The following HTR2C variants were observed in gnomAD, a reference collection of about 807,000 sequenced individuals.
HTR2C encodes 5-hydroxytryptamine (serotonin) receptor 2C, G protein-coupled.
In HTR2C, 5 loss-of-function variants were observed where a neutral mutation model predicts 21.0. The observed-to-expected ratio is 0.24, with a 90% CI of 0.12 to 0.50. The LOEUF is 0.50. Ranked by LOEUF, HTR2C falls within the 20% of genes least tolerant of loss-of-function variation. The probability of loss-of-function intolerance (pLI) is 0.98; values close to 1 mark genes in which losing one functional copy is unlikely to be tolerated. For missense variants in HTR2C, 271 were observed against 371.2 expected, an observed-to-expected ratio of 0.73 and a Z score of 2.22; for synonymous variants, 150 against 145.3, an observed-to-expected ratio of 1.03 and a Z score of -0.23.
At chrX:114,772,631 A>T (rs2070017387) in intron 4 of HTR2C, among the ~76,000 whole-genome samples, 2 of 111,292 alleles carry the variant, frequency 1.8e-5, no homozygotes, top group African/African-American at 3.3e-5. Flanking sequence ...CTTAAGAAAC[A>T]GCCCTATTCA....
intron 1 of HTR2C, among the ~76,000 whole-genome samples, chrX:114,610,837 T>C (rs1248720746): frequency 9.0e-6 from 1 of 111,443 alleles, no homozygotes; most frequent in Admixed American, 9.6e-5. Context: ...GGAGAGTGTA[T>C]GATAGATGCA....
intron 4 of HTR2C, among the ~76,000 whole-genome samples, chrX:114,814,841 ATATAT>A (rs1556453874): frequency 9.9e-6 from 1 of 101,504 alleles, no homozygotes; most frequent in Non-Finnish European, 2.0e-5. Flanking sequence ...ACTATAGAAT[ATATAT>A]TATAATACTC....
chrX:114,848,254 T>A (rs782199340), intron 5 of HTR2C, 51 bp downstream of exon 5: 119 of 933,571 alleles, frequency 1.3e-4, no homozygotes, highest in Non-Finnish European at 1.8e-4. Flanking sequence ...GCTCAATACT[T>A]TCGGATTATG....
At chrX:114,761,882 T>TATGTGTATATATAC (rs2069872140) in intron 4 of HTR2C, among the ~76,000 whole-genome samples, 5 of 108,862 alleles carry the variant, frequency 4.6e-5, no homozygotes, top group Admixed American at 9.7e-5. Flanking sequence ...TCTATATATA[T>TATGTGTATATATAC]ATATATGTGT....
chrX:114,765,884 C>T (rs1204332790), intron 4 of HTR2C, among the ~76,000 whole-genome samples: 1 of 111,313 alleles, frequency 9.0e-6, no homozygotes, highest in Non-Finnish European at 1.9e-5. Flanking sequence ...TTTGAAGGCC[C>T]AGATTGCAAT....
rs782759435 is a variant in HTR2C, at chrX:114,644,145, C to A, written c.-80+30264C>A. On this transcript the variant is annotated intron_variant, in intron 2 of 5. Transcript: ENST00000276198. Reference sequence around the variant, plus strand: ...GTCACTTGAGGTCAGGAGTTCGAGACCAGCCTGGCCAACATGGTGAAACCC... The same window carrying A: ...GTCACTTGAGGTCAGGAGTTCGAGAACAGCCTGGCCAACATGGTGAAACCC... 1.5e-3 allele frequency among the ~76,000 whole-genome samples: 164 copies of A among 106,558 alleles called. 1 individual carries two copies. The highest frequency in any genetic ancestry group is 2.1e-3 in the Non-Finnish European group (111 of 51,965). The allele number at this position is 106,558 out of a possible 115,157, so 92.5% of individuals were successfully genotyped here.
intron 2 of HTR2C, among the ~76,000 whole-genome samples, chrX:114,726,609 A>T (rs180893968): frequency 1.5e-4 from 17 of 112,516 alleles, no homozygotes; most frequent in African/African-American, 5.2e-4. Context: ...AAGAGGGGGA[A>T]ATTTGGTATA....
chrX:114,679,330 G>T (rs1931671368), intron 2 of HTR2C, among the ~76,000 whole-genome samples: 1 of 110,529 alleles, frequency 9.0e-6, no homozygotes, highest in South Asian at 3.9e-4. Context: ...CCAGTCCTGA[G>T]TTCAGTGGTG....
chrX:114,878,814 G>T (rs182755694), intron 5 of HTR2C, among the ~76,000 whole-genome samples: 12 of 109,890 alleles, frequency 1.1e-4, no homozygotes, highest in African/African-American at 3.6e-4. Flanking sequence ...ATTAATTTCC[G>T]ACATAATTCC....
chrX:114,803,888 C>T (rs905425453), intron 4 of HTR2C, among the ~76,000 whole-genome samples: 2 of 111,933 alleles, frequency 1.8e-5, no homozygotes, highest in East Asian at 2.8e-4. Context: ...TTTCACTCTT[C>T]CTTTAAGAAA....
chrX:114,766,530 G>A (rs2069949416), intron 4 of HTR2C, among the ~76,000 whole-genome samples: 1 of 111,312 alleles, frequency 9.0e-6, no homozygotes, highest in Admixed American at 9.6e-5. Flanking sequence ...AACATTATGC[G>A]ATGAATAAGA....
At chrX:114,670,243 A>G (rs191052951) in intron 2 of HTR2C, among the ~76,000 whole-genome samples, 3 of 110,640 alleles carry the variant, frequency 2.7e-5, no homozygotes, top group African/African-American at 9.9e-5. Flanking sequence ...AAATACAAAA[A>G]AATTAGCTGG....
At chrX:114,724,045 A>G (rs1349649792) in intron 2 of HTR2C, among the ~76,000 whole-genome samples, 78 of 104,280 alleles carry the variant, frequency 7.5e-4, no homozygotes, top group African/African-American at 2.5e-3. Flanking sequence ...CTTGGTGCAG[A>G]GCTGAGTTCA....
intron 5 of HTR2C, among the ~76,000 whole-genome samples, chrX:114,888,782 G>A (rs782428214): frequency 8.1e-4 from 91 of 111,684 alleles, no homozygotes; most frequent in African/African-American, 2.7e-3. Context: ...ACTAGTTTTC[G>A]TGGAAAGTAA....
chrX:114,742,338 A>G (rs782646460), intron 4 of HTR2C, among the ~76,000 whole-genome samples: 1 of 111,554 alleles, frequency 9.0e-6, no homozygotes, highest in African/African-American at 3.3e-5. Context: ...TAGAAAATTT[A>G]ATGTATTTAA....
intron 4 of HTR2C, among the ~76,000 whole-genome samples, chrX:114,744,810 C>T (rs1439736617): frequency 1.8e-5 from 2 of 111,633 alleles, no homozygotes; most frequent in African/African-American, 6.5e-5. Flanking sequence ...GGAAGACAAT[C>T]AATTTAAAAA....
chrX:114,679,480 T>C (rs1931679178), intron 2 of HTR2C, among the ~76,000 whole-genome samples: 1 of 110,195 alleles, frequency 9.1e-6, no homozygotes, highest in South Asian at 3.9e-4. Flanking sequence ...GGTTTCACCA[T>C]GTTGGCCAGG....
intron 5 of HTR2C, among the ~76,000 whole-genome samples, chrX:114,902,009 G>A (rs999732400): frequency 1.3e-4 from 15 of 111,165 alleles, no homozygotes; most frequent in Non-Finnish European, 2.6e-4. Flanking sequence ...TTCAATGGTA[G>A]TTCATATCTA....
At chrX:114,776,273 T>C (rs2070056045) in intron 4 of HTR2C, 1 of 586,058 alleles carries the variant, frequency 1.7e-6, no homozygotes, top group African/African-American at 2.2e-5. Flanking sequence ...TCTAAGTACA[T>C]TGAGACCAGC....
Sources: allele counts gnomAD v4.1 joint callset (sites outside exome capture counted in the v4.1 genomes callset), GRCh38; gene constraint gnomAD v4.1.1; transcripts MANE v1.5; gene names NCBI Gene and HGNC (gene_info 2026-07-23, HGNC 2026-07-21).